MRPL33: variants seen among roughly 807,000 people sequenced by gnomAD.
MRPL33 encodes large ribosomal subunit protein bL33m.
In MRPL33, 5 loss-of-function variants were observed where a neutral mutation model predicts 10.1. That is an observed-to-expected ratio of 0.49 (90% CI 0.26 to 1.04). The LOEUF (loss-of-function observed/expected upper bound fraction) is 1.04, where lower values mean the gene tolerates loss of function less well. MRPL33 is among the 50% of genes least tolerant of loss of function. The pLI is 0.14. For synonymous variants in MRPL33, 24 were observed against 27.7 expected (o/e 0.87, Z 0.42); for missense variants, 79 against 78.1 (o/e 1.01, Z -0.04).
chr2:27,779,207 C>CA (rs1238052641), intron 3 of MRPL33, among the ~76,000 whole-genome samples: 1 of 152,146 alleles, frequency 6.6e-6, no homozygotes, highest in African/African-American at 2.4e-5. Flanking sequence ...TGACTTGTGG[C>CA]ATACCAAGGA....
intron 3 of MRPL33, 67 bp from the exon 4 acceptor site, chr2:27,779,366 A>G (rs1287640840): frequency 4.0e-6 from 6 of 1,518,866 alleles, no homozygotes; most frequent in Non-Finnish European, 3.5e-6. Flanking sequence ...TCTGATATGT[A>G]TTTTTTATAA....
intron 3 of MRPL33, among the ~76,000 whole-genome samples, chr2:27,776,890 A>C (rs1397607215): frequency 6.6e-6 from 1 of 152,224 alleles, no homozygotes; most frequent in East Asian, 1.9e-4. Context: ...TGTGTCCAGC[A>C]ACAACCTTGT....
rs761136506 is a variant in MRPL33 at position 27,772,711 on chromosome 2, T to C, written c.41+19T>C. 1 of 1,588,616 alleles carries C rather than the reference T, an allele frequency of 6.3e-7. No homozygotes were observed. The highest frequency in any genetic ancestry group is 8.6e-7 in the Non-Finnish European group (1 of 1,161,018). ...AGTCAAAGTAAGTAAAGATTTTTCCTTTTTTAAACGTCACTTGTTTATGTT... is the reference window on the plus strand; with the variant it reads ...AGTCAAAGTAAGTAAAGATTTTTCCCTTTTTAAACGTCACTTGTTTATGTT... On this transcript the variant is annotated intron_variant, in intron 2 of 3. Transcript: ENST00000296102.
chr2:27,779,507 T>C lies in MRPL33; in HGVS notation c.*25T>C. The C allele has an allele frequency of 6.2e-7, 1 of 1,613,402 alleles. No individual in the cohort carries two copies. The highest frequency in any genetic ancestry group is 8.5e-7 in the Non-Finnish European group (1 of 1,179,784). On this transcript the variant is annotated 3_prime_UTR_variant, in exon 4 of 4. Coordinates refer to ENST00000296102, the MANE Select transcript of MRPL33 (RefSeq NM_004891.4). ...AACGGTGGATTGAAAATGACTTTGA[T>C]TTATAAAGAGAAGACTGAGGGCGGG...
At chr2:27,777,608 G>A (rs1346153447) in intron 3 of MRPL33, among the ~76,000 whole-genome samples, 18 of 152,012 alleles carry the variant, frequency 1.2e-4, no homozygotes, top group Admixed American at 1.2e-3. Flanking sequence ...ACATTTGTGT[G>A]GGCACCTCAT....
Position 27,771,791 on chromosome 2 carries a change from C to T in MRPL33, c.14C>T (p.Ala5Val). 2 of 1,613,938 alleles carry T rather than the reference C, an allele frequency of 1.2e-6. No individual in the cohort carries two copies. Among genetic ancestry groups the T allele is most frequent in the Non-Finnish European group, 1.7e-6 (2 of 1,179,834 alleles). MFLS[A>V]VFFAKSKSKN... Reference sequence around the variant, plus strand: ...GGTGTGGTCACCATGTTCCTCTCCGCGGTCTTCTGTAAGTGGGGCTGGAGA... The same window carrying T: ...GGTGTGGTCACCATGTTCCTCTCCGTGGTCTTCTGTAAGTGGGGCTGGAGA... Residue 5 changes from alanine to valine, a missense_variant, in exon 1 of 4, where the codon GCG (alanine) becomes GTG (valine). Ala to Val is a moderately conservative substitution (Grantham distance 64). Coordinates refer to ENST00000296102, the MANE Select transcript of MRPL33 (RefSeq NM_004891.4).
chr2:27,774,547 T>C lies in MRPL33; in HGVS notation c.148+17T>C, dbSNP rs1677113102. On this transcript the variant is annotated intron_variant, in intron 3 of 3. Coordinates refer to ENST00000296102, the MANE Select transcript of MRPL33 (RefSeq NM_004891.4). The stretch of plus-strand genomic sequence containing the variant: ...ATCCAGTTGGTAAGATCTGGGGAGG[T>C]TAATGCTTCCAAGGCCTGTTGCCCC... 3 of 1,603,224 alleles carry C rather than the reference T, an allele frequency of 1.9e-6. No homozygotes were observed. In the South Asian group the frequency reaches 3.3e-5, roughly 18 times the overall value.
chr2:27,771,910 C>A, intron 1 of MRPL33, 111 bp downstream of exon 1: 1 of 1,152,666 alleles, frequency 8.7e-7, no homozygotes, highest in Non-Finnish European at 1.2e-6. Flanking sequence ...CGGGAAGCTG[C>A]AGCTGCGTAC....
At chr2:27,773,854 G>C (rs1677098127) in intron 2 of MRPL33, among the ~76,000 whole-genome samples, 2 of 152,176 alleles carry the variant, frequency 1.3e-5, no homozygotes, top group South Asian at 4.1e-4. Flanking sequence ...CAAGACACAT[G>C]AAAAAATAAC....
At chr2:27,773,386 C>A (rs907970286) in intron 2 of MRPL33, among the ~76,000 whole-genome samples, 1 of 152,244 alleles carries the variant, frequency 6.6e-6, no homozygotes, top group Non-Finnish European at 1.5e-5. Flanking sequence ...CAGTATCTTT[C>A]AGTGATTCAC....
intron 1 of MRPL33, 195 bp downstream of exon 1, chr2:27,771,994 T>A: frequency 1.7e-6 from 1 of 602,470 alleles, no homozygotes; most frequent in South Asian, 2.0e-5. Flanking sequence ...TGTGGGTGCC[T>A]GAGAAGGGGT....
At chr2:27,778,151 T>TG (rs890610090) in intron 3 of MRPL33, among the ~76,000 whole-genome samples, 3 of 152,202 alleles carry the variant, frequency 2.0e-5, no homozygotes, top group Non-Finnish European at 4.4e-5. Context: ...TTTTAAAAAA[T>TG]GTAGACTTCA....
chr2:27,779,673 G>C lies in MRPL33; in HGVS notation c.*191G>C. The C allele has an allele frequency of 1.9e-6, 2 of 1,037,252 alleles. No homozygotes were observed. Among genetic ancestry groups the C allele is most frequent in the Non-Finnish European group, 2.7e-6 (2 of 741,634 alleles). 64.3% of individuals were successfully genotyped at this position (1,037,252 alleles called of 1,614,324 possible). ...TCTTCATATTAGGACAGATATCATTGCATCACATTTATTTATCTTTCTGGG... is the reference window on the plus strand; with the variant it reads ...TCTTCATATTAGGACAGATATCATTCCATCACATTTATTTATCTTTCTGGG... On this transcript the variant is annotated 3_prime_UTR_variant, in exon 4 of 4. Coordinates refer to ENST00000296102, the MANE Select transcript of MRPL33 (RefSeq NM_004891.4).
intron 2 of MRPL33, among the ~76,000 whole-genome samples, chr2:27,773,445 G>C (rs1677090216): frequency 1.3e-5 from 2 of 152,308 alleles, no homozygotes; most frequent in South Asian, 4.1e-4. Context: ...CCCTGCCCCA[G>C]GGATCTATAG....
chr2:27,774,479 A>G lies in MRPL33; in HGVS notation c.97A>G (p.Lys33Glu), dbSNP rs754817086. 9.9e-6 allele frequency: 16 copies of G among 1,614,156 alleles called. No individual in the cohort carries two copies. Among genetic ancestry groups the G allele is most frequent in the Non-Finnish European group, 1.4e-5 (16 of 1,179,984 alleles). ...EAGTGFCFNT[K>E]RNRLREKLTL... is the part of the protein sequence containing the mutation. ...TGGGACAGGTTTCTGCTTCAACACC[A>G]AGAGAAACCGACTGCGGGAAAAACT... The change falls in exon 3 of 4, where the codon AAG becomes GAG. Residue 33 changes from lysine to glutamate, a missense_variant. Coordinates refer to ENST00000296102, the MANE Select transcript of MRPL33 (RefSeq NM_004891.4).
rs777775364 is a variant in MRPL33, at chr2:27,771,738, C to T, written c.-40C>T. 19 of 1,613,474 alleles carry T rather than the reference C, an allele frequency of 1.2e-5. No individual in the cohort carries two copies. In the South Asian group the frequency reaches 1.4e-4, roughly 12 times the overall value. Reference sequence around the variant, plus strand: ...GGAAGCAGTTGTTGTTGGTTGGGGGCCTTTTGGCCGGTGACGGAGACTGCC... The same window carrying T: ...GGAAGCAGTTGTTGTTGGTTGGGGGTCTTTTGGCCGGTGACGGAGACTGCC... On this transcript the variant is annotated 5_prime_UTR_variant, in exon 1 of 4. Transcript: ENST00000296102.
intron 2 of MRPL33, chr2:27,772,920 C>G (rs923602098): frequency 1.4e-5 from 7 of 494,416 alleles, no homozygotes; most frequent in Non-Finnish European, 2.1e-5. Context: ...CTTGAAGGAA[C>G]CTTTGCTGCT....
chr2:27,772,652 A>G, intron 1 of MRPL33, 22 bp from the exon 2 acceptor site: 5 of 1,580,472 alleles, frequency 3.2e-6, no homozygotes, highest in Non-Finnish European at 4.3e-6. Flanking sequence ...TTCTTTTCCA[A>G]CCCTTCCTGT....
chr2:27,772,655 C>T lies in MRPL33; in HGVS notation c.23-19C>T. The stretch of plus-strand genomic sequence containing the variant: ...TATATTTTTATTTTCTTTTCCAACC[C>T]TTCCTGTCTACAAAAAAGTTGCCAA... On this transcript the variant is annotated intron_variant, in intron 1 of 3. Transcript: ENST00000296102. 1.3e-6 allele frequency: 2 copies of T among 1,585,834 alleles called. No homozygotes were observed. The highest frequency in any genetic ancestry group is 1.7e-6 in the Non-Finnish European group (2 of 1,159,800).
Sources: allele counts gnomAD v4.1 joint callset (sites outside exome capture counted in the v4.1 genomes callset), GRCh38; gene constraint gnomAD v4.1.1; transcripts MANE v1.5; gene names NCBI Gene and HGNC (gene_info 2026-07-23, HGNC 2026-07-21).